The following RNF185 variants were observed in gnomAD, a reference collection of about 807,000 sequenced individuals.
The protein encoded by RNF185 is ring finger protein 185, also known as E3 ubiquitin-protein ligase RNF185.
In RNF185, 13 loss-of-function variants were observed where a neutral mutation model predicts 24.9. The ratio of observed to expected loss-of-function variants is 0.52; its 90% CI spans 0.34 to 0.83. RNF185 has a LOEUF of 0.83. Ranked by LOEUF, RNF185 falls within the 40% of genes least tolerant of loss-of-function variation. RNF185 has a pLI of 0.01. For synonymous variants in RNF185, 79 were observed against 90.3 expected (o/e 0.88, Z 0.71); for missense variants, 184 against 244.7 (o/e 0.75, Z 1.65).
Position 31,204,971 on chromosome 22 carries a change from T to C in RNF185, c.*385T>C, listed in dbSNP as rs1341716941. 5.0e-6 allele frequency: 1 copy of C among 199,588 alleles called. No homozygotes were observed. Among genetic ancestry groups the C allele is most frequent in the African/African-American group, 2.3e-5 (1 of 43,390 alleles). 12.4% of individuals were successfully genotyped at this position (199,588 alleles called of 1,614,324 possible). A position where few individuals can be genotyped will look rare whatever the true frequency, so the allele number is the denominator to read the frequency against. On this transcript the variant is annotated 3_prime_UTR_variant, in exon 7 of 7. Coordinates refer to ENST00000326132, the MANE Select transcript of RNF185 (RefSeq NM_152267.4). ...AACAAAGGGATGCACCAAATGGTAT[T>C]TCTGGAAATTTTCATGTCTTTAAAT...
intron 1 of RNF185, among the ~76,000 whole-genome samples, chr22:31,164,316 C>T (rs1183193721): frequency 3.3e-5 from 5 of 152,162 alleles, no homozygotes; most frequent in Non-Finnish European, 1.5e-5. Context: ...TTATACTAAA[C>T]TTGCAAAAAT....
intron 6 of RNF185, among the ~76,000 whole-genome samples, chr22:31,203,745 A>AT (rs1204526331): frequency 6.6e-6 from 1 of 151,742 alleles, no homozygotes; most frequent in Non-Finnish European, 1.5e-5. Context: ...GGGTTTAGAA[A>AT]TTTTTTTTGG....
chr22:31,190,369 C>G (rs1030465065), intron 2 of RNF185, among the ~76,000 whole-genome samples: 6 of 152,152 alleles, frequency 3.9e-5, no homozygotes, highest in Non-Finnish European at 7.3e-5. Flanking sequence ...TCACTGCAAC[C>G]TCTGCCTCCC....
chr22:31,160,685 G>A (rs1276377007), intron 1 of RNF185, among the ~76,000 whole-genome samples: 1 of 152,224 alleles, frequency 6.6e-6, no homozygotes, highest in Non-Finnish European at 1.5e-5. Flanking sequence ...CTGAAAGTAA[G>A]AGACCTGGAT....
At chr22:31,165,246 G>A (rs565843015) in intron 1 of RNF185, among the ~76,000 whole-genome samples, 1 of 152,206 alleles carries the variant, frequency 6.6e-6, no homozygotes, top group Admixed American at 6.5e-5. Context: ...GAGGGTTCCA[G>A]TTTCTCCGCA....
At chr22:31,201,153 G>A (rs994331846) in intron 5 of RNF185, among the ~76,000 whole-genome samples, 3 of 152,238 alleles carry the variant, frequency 2.0e-5, no homozygotes, top group Non-Finnish European at 2.9e-5. Context: ...GCATGTAGAA[G>A]GTGTTACTAG....
Position 31,200,402 on chromosome 22 carries a change from T to C in RNF185, c.364-1096T>C, listed in dbSNP as rs558603433. Among the ~76,000 whole-genome samples the C allele has an allele frequency of 1.6e-4, 25 of 152,294 alleles. No homozygotes were observed. In the South Asian group the frequency reaches 3.9e-3, roughly 24 times the overall value. ...GAAAAGCATGTGTTTTCAGATCAAATTGACCTAGTTTTAGATCTAAACTGT... is the reference window on the plus strand; with the variant it reads ...GAAAAGCATGTGTTTTCAGATCAAACTGACCTAGTTTTAGATCTAAACTGT... On this transcript the variant is annotated intron_variant, in intron 5 of 6. Coordinates refer to ENST00000326132, the MANE Select transcript of RNF185 (RefSeq NM_152267.4).
In RNF185 at chr22:31,187,189, G is replaced by C; in HGVS notation, c.95G>C (p.Gly32Ala). 6.2e-7 allele frequency: 1 copy of C among 1,614,030 alleles called. No individual in the cohort carries two copies. Among genetic ancestry groups the C allele is most frequent in the Non-Finnish European group, 8.5e-7 (1 of 1,179,932 alleles). ...AGCAATGGCGCTGGCGAGAGCGGAG[G>C]GCAGGACAGCACTTTCGAGTGCAAC... ...GSSNGAGESG[G>A]QDSTFECNIC... is the part of the protein sequence containing the mutation. Residue 32 changes from glycine to alanine, a missense_variant, in exon 2 of 7, where the codon GGG becomes GCG. Coordinates refer to ENST00000326132, the MANE Select transcript of RNF185 (RefSeq NM_152267.4).
intron 4 of RNF185, among the ~76,000 whole-genome samples, chr22:31,196,460 G>A (rs745861936): frequency 6.6e-6 from 1 of 152,180 alleles, no homozygotes. Flanking sequence ...ATTTGAGGGG[G>A]TGAGACTCAA....
chr22:31,182,004 A>C (rs2048041963), intron 1 of RNF185, among the ~76,000 whole-genome samples: 1 of 151,686 alleles, frequency 6.6e-6, no homozygotes, highest in South Asian at 2.1e-4. Flanking sequence ...AAAGTATAAT[A>C]AAAATATATA....
chr22:31,180,419 C>T (rs2048023310), intron 1 of RNF185, among the ~76,000 whole-genome samples: 1 of 149,208 alleles, frequency 6.7e-6, no homozygotes, highest in East Asian at 2.0e-4. Flanking sequence ...GAGCCGAGAT[C>T]ACACCACTGC....
chr22:31,188,955 T>TA (rs34561325), intron 2 of RNF185, among the ~76,000 whole-genome samples: 12,097 of 118,020 alleles, frequency 0.1, 1,844 homozygotes, highest in African/African-American at 0.34. Flanking sequence ...CCGTTTCTAC[T>TA]AAAAAAAAAA....
At chr22:31,181,554 C>T (rs982879020) in intron 1 of RNF185, among the ~76,000 whole-genome samples, 6 of 151,918 alleles carry the variant, frequency 3.9e-5, no homozygotes, top group East Asian at 3.9e-4. Context: ...TACATGCACA[C>T]GTATGTTTAT....
intron 1 of RNF185, among the ~76,000 whole-genome samples, chr22:31,179,915 T>A (rs1017499178): frequency 3.3e-5 from 5 of 152,140 alleles, no homozygotes; most frequent in Non-Finnish European, 7.4e-5. Flanking sequence ...TCCAGGTCAC[T>A]GTGTTATTTC....
intron 1 of RNF185, among the ~76,000 whole-genome samples, chr22:31,181,718 G>A (rs55888048): frequency 0.027 from 4,163 of 152,196 alleles, 64 homozygotes; most frequent in Non-Finnish European, 0.04. Context: ...CGTGGATGAA[G>A]CTGGAAACCA....
intron 1 of RNF185, among the ~76,000 whole-genome samples, chr22:31,171,446 G>A (rs1182215702): frequency 6.6e-6 from 1 of 151,774 alleles, no homozygotes; most frequent in Admixed American, 6.6e-5. Flanking sequence ...CTCCCAAAGT[G>A]CTGGGATTAC....
At position 31,204,747 on chromosome 22, in the gene RNF185, A is replaced by G. The variant is rs1653352706; in HGVS notation, c.*161A>G. 2 of 598,756 alleles carry G rather than the reference A, an allele frequency of 3.3e-6. No individual in the cohort carries two copies. The highest frequency in any genetic ancestry group is 2.8e-5 in the Admixed American group (1 of 35,862). 37.1% of individuals were successfully genotyped at this position (598,756 alleles called of 1,614,324 possible). ...CTTCATCAGAGCTTTGGAACTCGAG[A>G]CCAGTTGGCGATGACCCCTGAATAT... On this transcript the variant is annotated 3_prime_UTR_variant, in exon 7 of 7. Coordinates refer to ENST00000326132, the MANE Select transcript of RNF185 (RefSeq NM_152267.4).
intron 1 of RNF185, among the ~76,000 whole-genome samples, chr22:31,184,699 C>T (rs1415175790): frequency 1.3e-5 from 2 of 152,204 alleles, no homozygotes; most frequent in Admixed American, 6.5e-5. Context: ...AGACCACTGG[C>T]GGTCAGGAGC....
chr22:31,189,119 C>CT (rs1473321704), intron 2 of RNF185, among the ~76,000 whole-genome samples: 2 of 104,886 alleles, frequency 1.9e-5, no homozygotes, highest in Non-Finnish European at 4.3e-5. Context: ...GAGCAAGACT[C>CT]TGTCTCAAAA....
Sources: gnomAD v4.1 joint callset for allele counts (sites outside exome capture counted in the v4.1 genomes callset) on GRCh38, gnomAD v4.1.1 for gene constraint, MANE v1.5 for transcripts, NCBI Gene and HGNC (gene_info 2026-07-23, HGNC 2026-07-21) for gene names.